Variants in LIMS1 observed in about 807,000 individuals in gnomAD.
The protein encoded by LIMS1 is LIM and senescent cell antigen-like-containing domain protein 1.
LIMS1 carries 18 observed loss-of-function variants against 44.1 expected under a neutral mutation model. The ratio of observed to expected loss-of-function variants is 0.41; its 90% CI spans 0.28 to 0.61. The LOEUF (loss-of-function observed/expected upper bound fraction) is 0.61, where lower values mean the gene tolerates loss of function less well. Ranked by LOEUF, LIMS1 falls within the 20% of genes least tolerant of loss-of-function variation. The probability of loss-of-function intolerance (pLI) is 0.32; values close to 1 mark genes in which losing one functional copy is unlikely to be tolerated. For synonymous variants in LIMS1, 93 were observed against 149.1 expected (o/e 0.62, Z 2.74); for missense variants, 201 against 422.0 (o/e 0.48, Z 4.59).
In LIMS1 at chr2:108,564,951, G is replaced by A. The variant is rs546004472; in HGVS notation, c.32+30357G>A. Among the ~76,000 whole-genome samples, 226 of 151,504 alleles carry A rather than the reference G, an allele frequency of 1.5e-3. 1 individual carries two copies. Among genetic ancestry groups the A allele is most frequent in the African/African-American group, 4.9e-3 (201 of 41,364 alleles). On this transcript the variant is annotated intron_variant, in intron 1 of 9. Coordinates refer to ENST00000544547, the Ensembl canonical transcript of LIMS1. ...GGTTACAGGGAAGGAAAGGGCCAGC[G>A]CTCTGCCCTAGCTCTTTAAGAGAAA...
chr2:108,590,509 TATACAAAA>T (rs1466108411), intron 1 of LIMS1, among the ~76,000 whole-genome samples: 2 of 152,152 alleles, frequency 1.3e-5, no homozygotes, highest in African/African-American at 2.4e-5. Flanking sequence ...GTTTAAAAAA[TATACAAAA>T]ATAACTAAAC....
intron 8 of LIMS1, among the ~76,000 whole-genome samples, 170 bp downstream of exon 8, chr2:108,678,197 T>C (rs1369165373): frequency 6.6e-6 from 1 of 152,256 alleles, no homozygotes; most frequent in Middle Eastern, 3.2e-3. Flanking sequence ...GATGATAATA[T>C]CAAAGAGTTG....
chr2:108,631,608 C>T (rs1358500426), intron 1 of LIMS1, among the ~76,000 whole-genome samples: 2 of 151,090 alleles, frequency 1.3e-5, no homozygotes, highest in East Asian at 3.9e-4. Flanking sequence ...TCTGATTAGC[C>T]TCCTTTGAGA....
At chr2:108,537,004 T>C (rs1684166320) in intron 1 of LIMS1, among the ~76,000 whole-genome samples, 1 of 152,242 alleles carries the variant, frequency 6.6e-6, no homozygotes. Context: ...ACAGTTTTTT[T>C]CCAGCATGAC....
chr2:108,613,217 T>G (rs1465565423), intron 1 of LIMS1, among the ~76,000 whole-genome samples: 1 of 152,198 alleles, frequency 6.6e-6, no homozygotes, highest in African/African-American at 2.4e-5. Context: ...CATAAATAGT[T>G]GAGAGACTGA....
intron 2 of LIMS1, among the ~76,000 whole-genome samples, chr2:108,668,612 C>G (rs1455899848): frequency 6.6e-6 from 1 of 152,158 alleles, no homozygotes; most frequent in Non-Finnish European, 1.5e-5. Flanking sequence ...CATTCATCCG[C>G]TGATGGAAAG....
At chr2:108,623,847 A>T (rs1688405939) in intron 1 of LIMS1, among the ~76,000 whole-genome samples, 1 of 152,232 alleles carries the variant, frequency 6.6e-6, no homozygotes, top group South Asian at 2.1e-4. Context: ...CCACTGCCAG[A>T]AAACATTTTT....
Position 108,550,864 on chromosome 2 carries a change from T to A in LIMS1, c.32+16270T>A, listed in dbSNP as rs531955571. Among the ~76,000 whole-genome samples, 5 of 151,126 alleles carry A rather than the reference T, an allele frequency of 3.3e-5. No homozygotes were observed. The South Asian group carries it at 1.0e-3, about 32-fold the overall frequency. On this transcript the variant is annotated intron_variant, in intron 1 of 9. Transcript: ENST00000544547. ...GGCCAGGTGCAGTGGCTCATGCCTG[T>A]AATCCCAGCACTTTGGGAGACCGAG... is the stretch of plus-strand genomic sequence containing the variant.
chr2:108,541,790 G>A (rs1361822664), intron 1 of LIMS1, among the ~76,000 whole-genome samples: 1 of 152,188 alleles, frequency 6.6e-6, no homozygotes, highest in Non-Finnish European at 1.5e-5. Context: ...GAACAAAATT[G>A]CCGCTTCTCT....
intron 1 of LIMS1, among the ~76,000 whole-genome samples, chr2:108,653,068 C>T (rs1263123814): frequency 6.6e-6 from 1 of 152,186 alleles, no homozygotes; most frequent in Non-Finnish European, 1.5e-5. Flanking sequence ...TAGCCCACAG[C>T]CTTTGAGTTC....
At chr2:108,621,118 C>A (rs1272692270) in intron 1 of LIMS1, 2 of 522,738 alleles carry the variant, frequency 3.8e-6, no homozygotes, top group Non-Finnish European at 6.4e-6. Flanking sequence ...TTGGTCACCG[C>A]TTCCCCCCTC....
chr2:108,578,733 A>G (rs559617265), intron 1 of LIMS1, among the ~76,000 whole-genome samples: 7 of 151,880 alleles, frequency 4.6e-5, no homozygotes, highest in East Asian at 1.9e-4. Flanking sequence ...AGCTGGGACT[A>G]CAGGTGCCCA....
intron 1 of LIMS1, among the ~76,000 whole-genome samples, chr2:108,596,629 G>A (rs1188299992): frequency 6.6e-6 from 1 of 152,288 alleles, no homozygotes; most frequent in Non-Finnish European, 1.5e-5. Context: ...TTTGAGACCA[G>A]CCTGATCAAC....
At chr2:108,577,890 T>C (rs1470789617) in intron 1 of LIMS1, among the ~76,000 whole-genome samples, 1 of 152,076 alleles carries the variant, frequency 6.6e-6, no homozygotes, top group Non-Finnish European at 1.5e-5. Flanking sequence ...TATTCTGAGA[T>C]TGTATGTTTT....
rs565117459 is a variant in LIMS1 at position 108,617,354 on chromosome 2, A to G, written c.33-42251A>G. Among the ~76,000 whole-genome samples, 9 of 152,378 alleles carry G rather than the reference A, an allele frequency of 5.9e-5. No individual in the cohort carries two copies. The South Asian group carries it at 1.9e-3, about 32-fold the overall frequency. On this transcript the variant is annotated intron_variant, in intron 1 of 9. Coordinates refer to ENST00000544547, the Ensembl canonical transcript of LIMS1. ...TTCTTATCACAAATGGAAAATGTTT[A>G]TACTTGTGGAAGGTACTGTTCAACT...
intron 1 of LIMS1, among the ~76,000 whole-genome samples, chr2:108,619,106 CAGTT>C (rs1688095578): frequency 6.6e-6 from 1 of 152,138 alleles, no homozygotes; most frequent in African/African-American, 2.4e-5. Flanking sequence ...TCATCCTACA[CAGTT>C]AGGTGTTTCC....
chr2:108,539,868 C>G (rs1027126586), intron 1 of LIMS1, among the ~76,000 whole-genome samples: 2 of 152,126 alleles, frequency 1.3e-5, no homozygotes, highest in African/African-American at 4.8e-5. Flanking sequence ...TTTGTTTCTT[C>G]CTGTCCTTCC....
chr2:108,536,541 G>C (rs1218920893), intron 1 of LIMS1, among the ~76,000 whole-genome samples: 1 of 152,126 alleles, frequency 6.6e-6, no homozygotes, highest in African/African-American at 2.4e-5. Context: ...GTTAGTTTTG[G>C]GCTATTAAGA....
chr2:108,570,104 T>C (rs920345858), intron 1 of LIMS1, among the ~76,000 whole-genome samples: 3 of 152,104 alleles, frequency 2.0e-5, no homozygotes, highest in Non-Finnish European at 4.4e-5. Flanking sequence ...ATTATTAATA[T>C]TTGTTTGTAT....
Sources: allele counts gnomAD v4.1 joint callset (sites outside exome capture counted in the v4.1 genomes callset), GRCh38; gene constraint gnomAD v4.1.1; transcripts MANE v1.5; gene names NCBI Gene and HGNC (gene_info 2026-07-23, HGNC 2026-07-21).